CELF2: variants seen among roughly 807,000 people sequenced by gnomAD.
CELF2 encodes the protein CUG triplet repeat RNA-binding protein 2.
CELF2 carries 8 observed loss-of-function variants against 62.6 expected under a neutral mutation model. That is an observed-to-expected ratio of 0.13 (90% CI 0.07 to 0.23). CELF2 has a LOEUF of 0.23. Among genes scored for constraint, CELF2 ranks in the 10% least tolerant of loss-of-function variants. The pLI is 1.00. For synonymous variants in CELF2, 258 were observed against 250.0 expected (o/e 1.03, Z -0.30); for missense variants, 333 against 671.0 (o/e 0.50, Z 5.56).
chr10:10,888,320 G>A (rs1054433467), intron 1 of CELF2, among the ~76,000 whole-genome samples: 3 of 152,146 alleles, frequency 2.0e-5, no homozygotes, highest in African/African-American at 4.8e-5. Flanking sequence ...ACGCAGGGTG[G>A]GAAGAGCATG....
At chr10:11,005,307 G>A (rs1592975179), upstream of CELF2, 17 of 1,608,672 alleles carry the variant, frequency 1.1e-5, no homozygotes, top group Middle Eastern at 1.7e-4. This position sits in a 1 kb window ranked among gnomAD's most constrained non-coding sequence, Gnocchi z 4.3. Flanking sequence ...AGGAGAGGGC[G>A]CGTTAGTGAG....
chr10:10,770,174 G>A, the CELF2 span, among the ~76,000 whole-genome samples: 1 of 152,102 alleles, frequency 6.6e-6, no homozygotes, highest in Non-Finnish European at 1.5e-5. Flanking sequence ...ACAAGAAGAG[G>A]TATACAGGCT....
chr10:10,678,674 A>T, the CELF2 span, among the ~76,000 whole-genome samples: 2 of 152,190 alleles, frequency 1.3e-5, no homozygotes, highest in Non-Finnish European at 2.9e-5. Context: ...GATAGGGTTG[A>T]ATTTTGCTTG....
chr10:11,113,727 G>T (rs928873319), intron 1 of CELF2, among the ~76,000 whole-genome samples: 1 of 152,166 alleles, frequency 6.6e-6, no homozygotes, highest in Non-Finnish European at 1.5e-5. Context: ...CTCGACCTGG[G>T]TTCCCAGCGG....
At chr10:10,810,373 A>ATT (rs60348033) in intron 1 of CELF2, among the ~76,000 whole-genome samples, 1 of 152,068 alleles carries the variant, frequency 6.6e-6, no homozygotes, top group East Asian at 1.9e-4. Flanking sequence ...GGCCTTTAAG[A>ATT]TTTTTTTACC....
At chr10:10,829,928 C>A (rs2057706027) in intron 1 of CELF2, among the ~76,000 whole-genome samples, 3 of 152,184 alleles carry the variant, frequency 2.0e-5, no homozygotes, top group Admixed American at 2.0e-4. Context: ...TTTTAACACA[C>A]AACTACCTTT....
At chr10:10,521,908 C>T in the CELF2 span, among the ~76,000 whole-genome samples, 3 of 152,178 alleles carry the variant, frequency 2.0e-5, no homozygotes, top group East Asian at 3.9e-4. Context: ...TCATGACATC[C>T]TTCTCTAACT....
At chr10:10,579,649 T>C in the CELF2 span, among the ~76,000 whole-genome samples, 2 of 152,226 alleles carry the variant, frequency 1.3e-5, no homozygotes, top group Non-Finnish European at 2.9e-5. Context: ...AGTCCCATAA[T>C]AGAGGCAATG....
the CELF2 span, among the ~76,000 whole-genome samples, chr10:10,743,719 G>T: frequency 6.6e-6 from 1 of 152,158 alleles, no homozygotes; most frequent in African/African-American, 2.4e-5. Context: ...CATAGTGGTT[G>T]CTATGGAAAT....
intron 2 of CELF2, among the ~76,000 whole-genome samples, chr10:11,209,037 T>TA (rs2061135561): frequency 6.6e-6 from 1 of 152,216 alleles, no homozygotes; most frequent in African/African-American, 2.4e-5. Flanking sequence ...ACAACACAGA[T>TA]ATGTCTGATC....
At chr10:10,591,029 T>G in the CELF2 span, among the ~76,000 whole-genome samples, 2 of 152,188 alleles carry the variant, frequency 1.3e-5, no homozygotes, top group Admixed American at 1.3e-4. Context: ...TTTCAAACAT[T>G]TAATTCCTGG....
rs1360740268 is a variant in CELF2, at chr10:10,804,425, G to A, written c.53+5608G>A. Among the ~76,000 whole-genome samples, 6 of 152,212 alleles carry A rather than the reference G, an allele frequency of 3.9e-5. No homozygotes were observed. The South Asian group carries it at 1.2e-3, about 31-fold the overall frequency. ...ATCTGACTAGCAGGAAAATAGAAGT[G>A]GCTTTGACAGATAGTTGGAGGGATG... On this transcript the variant is annotated intron_variant, in intron 1 of 13. Coordinates refer to the CELF2 transcript ENST00000636488.
chr10:10,658,410 T>G, the CELF2 span, among the ~76,000 whole-genome samples: 2 of 152,210 alleles, frequency 1.3e-5, no homozygotes, highest in Non-Finnish European at 2.9e-5. Context: ...ATATTGACAT[T>G]TTTATGGGTA....
chr10:11,153,723 A>C (rs2063764682), intron 1 of CELF2, among the ~76,000 whole-genome samples: 1 of 152,274 alleles, frequency 6.6e-6, no homozygotes, highest in African/African-American at 2.4e-5. Context: ...GGATCCAAGA[A>C]GAAAAATTCT....
Position 11,214,863 on chromosome 10 carries a change from T to TG in CELF2, c.272-2560dup, listed in dbSNP as rs757577588. On this transcript the variant is annotated intron_variant, in intron 2 of 12. Transcript: ENST00000633077. This position sits in a 1 kb window ranked among gnomAD's most constrained non-coding sequence, Gnocchi z 4.2. The stretch of plus-strand genomic sequence containing the variant: ...CACCGTACTAGTTGTAAAGGCAGAG[T>TG]GGACCTTGGATGAAACTAGAAAGTA... 1.3e-5 allele frequency among the ~76,000 whole-genome samples: 2 copies of TG among 152,194 alleles called. No individual in the cohort carries two copies. Among genetic ancestry groups the TG allele is most frequent in the Non-Finnish European group, 1.5e-5 (1 of 68,032 alleles).
intron 1 of CELF2, among the ~76,000 whole-genome samples, chr10:11,132,911 A>G (rs1004019533): frequency 3.3e-5 from 5 of 152,204 alleles, no homozygotes; most frequent in African/African-American, 1.2e-4. Flanking sequence ...ATAAATAACG[A>G]TTCAGGATAA....
intron 1 of CELF2, among the ~76,000 whole-genome samples, chr10:11,099,615 A>C (rs2050884268): frequency 6.6e-6 from 1 of 152,226 alleles, no homozygotes; most frequent in African/African-American, 2.4e-5. Context: ...ACACCAATGT[A>C]ACTTAATTTT....
At chr10:10,479,274 T>C in the CELF2 span, among the ~76,000 whole-genome samples, 1 of 152,160 alleles carries the variant, frequency 6.6e-6, no homozygotes, top group Non-Finnish European at 1.5e-5. Context: ...ATTCAAGTGA[T>C]TCTCCTGCCT....
At chr10:10,512,519 C>CCCTCAGCCTCCTG in the CELF2 span, among the ~76,000 whole-genome samples, 17 of 150,846 alleles carry the variant, frequency 1.1e-4, no homozygotes, top group East Asian at 3.1e-3. Flanking sequence ...GATTCTCCTG[C>CCCTCAGCCTCCTG]CCTCAGCCTC....
Sources: allele counts gnomAD v4.1 joint callset (sites outside exome capture counted in the v4.1 genomes callset), GRCh38; gene constraint gnomAD v4.1.1; non-coding constraint Gnocchi (gnomAD v3.1); transcripts MANE v1.5; gene names NCBI Gene and HGNC (gene_info 2026-07-23, HGNC 2026-07-21).